The following ARR3 variants were observed in gnomAD, a reference collection of about 807,000 sequenced individuals.
ARR3 encodes arrestin-C.
In ARR3, 14 loss-of-function variants were observed where a neutral mutation model predicts 35.4. That is an observed-to-expected ratio of 0.40 (90% CI 0.26 to 0.62). The LOEUF is 0.62. ARR3 is among the 20% of genes least tolerant of loss of function. The pLI, the probability that ARR3 is intolerant of heterozygous loss-of-function variation, is 0.46. For missense variants in ARR3, 259 were observed against 303.8 expected, an observed-to-expected ratio of 0.85 and a Z score of 1.10; for synonymous variants, 97 against 119.1, an observed-to-expected ratio of 0.81 and a Z score of 1.21.
At position 70,280,223 on chromosome X, in the gene ARR3, C is replaced by T; in HGVS notation, c.934C>T (p.Leu312=). The T allele has an allele frequency of 8.3e-7, 1 of 1,211,354 alleles. No homozygotes were observed. Among genetic ancestry groups the T allele is most frequent in the Non-Finnish European group, 1.1e-6 (1 of 895,278 alleles). Residue 312 remains leucine (L), a synonymous_variant, in exon 13 of 17, where the codon CTG becomes TTG. Transcript: ENST00000307959. Reference sequence around the variant, plus strand: ...TAGACCGGGAATGGACAAAGAGCTGCTGGGGATCCTGGTGTCCTACAAAGT... The same window carrying T: ...TAGACCGGGAATGGACAAAGAGCTGTTGGGGATCCTGGTGTCCTACAAAGT... ...IIRPGMDKEL[L]GILVSYKVRV...
chrX:70,281,076 C>T, intron 15 of ARR3, 23 bp from the exon 16 acceptor site: 1 of 1,209,062 alleles, frequency 8.3e-7, no homozygotes, highest in Non-Finnish European at 1.1e-6. Flanking sequence ...CATTTTTTCC[C>T]TCCGTCTCCA....
chrX:70,280,895 G>A (rs1343065080), intron 15 of ARR3, 77 bp downstream of exon 15: 1 of 1,144,817 alleles, frequency 8.7e-7, no homozygotes, highest in East Asian at 3.0e-5. Context: ...TCATGAATTG[G>A]AGACTAGCAG....
intron 13 of ARR3, 69 bp from the exon 14 acceptor site, chrX:70,280,490 C>A: frequency 9.0e-7 from 1 of 1,111,652 alleles, no homozygotes; most frequent in Non-Finnish European, 1.2e-6. Flanking sequence ...GATCCCTCAT[C>A]CCCTTGTGAA....
chrX:70,277,963 A>G, intron 10 of ARR3, 103 bp from the exon 11 acceptor site: 2 of 887,826 alleles, frequency 2.3e-6, no homozygotes, highest in African/African-American at 3.9e-5. Flanking sequence ...TCACTGCATC[A>G]TGTATAGTGT....
At chrX:70,276,630 C>T in intron 7 of ARR3, 39 bp from the exon 8 acceptor site, 1 of 1,193,471 alleles carries the variant, frequency 8.4e-7, no homozygotes, top group African/African-American at 1.7e-5. Flanking sequence ...GGGAGGACAG[C>T]ACTGGAAATG....
chrX:70,279,287 C>A (rs2085668523), intron 12 of ARR3, among the ~76,000 whole-genome samples: 1 of 112,504 alleles, frequency 8.9e-6, no homozygotes, highest in Non-Finnish European at 1.9e-5. Flanking sequence ...TGTCTTCCAC[C>A]AAAAACCACC....
intron 5 of ARR3, among the ~76,000 whole-genome samples, chrX:70,273,293 C>T (rs1388584356): frequency 1.1e-5 from 1 of 93,756 alleles, no homozygotes; most frequent in Non-Finnish European, 2.0e-5. Context: ...GCGATGTCAG[C>T]TCACAGCAAC....
intron 5 of ARR3, among the ~76,000 whole-genome samples, chrX:70,273,272 A>G (rs1049471407): frequency 2.5e-5 from 2 of 81,169 alleles, no homozygotes; most frequent in African/African-American, 5.1e-5. Flanking sequence ...CCCAGGCTGG[A>G]GTGCAGTGGT....
chrX:70,272,440 A>C (rs12387904), intron 5 of ARR3, among the ~76,000 whole-genome samples: 2,060 of 112,213 alleles, frequency 0.018, 42 homozygotes, highest in African/African-American at 0.063. Flanking sequence ...ATTTTCACTA[A>C]AAATGCTATA....
rs766568000 is a variant in ARR3 at position 70,270,110 on chromosome X, C to T, written c.111C>T (p.Val37=). 8.3e-7 allele frequency: 1 copy of T among 1,211,672 alleles called. No homozygotes were observed. ...VDTVEPIDGV[V]LVDPEYLKCR... ...TCCTTCTCTCCACAGACGGTGTTGT[C>T]CTGGTTGATCCTGAGTACTTAAAAT... Residue 37 remains valine, a synonymous_variant, in exon 5 of 17, where the codon GTC becomes GTT. Coordinates refer to ENST00000307959, the MANE Select transcript of ARR3 (RefSeq NM_004312.3).
In ARR3 at chrX:70,276,757, A is replaced by G. The variant is rs1284656468; in HGVS notation, c.473+21A>G. On this transcript the variant is annotated intron_variant, in intron 8 of 16. Transcript: ENST00000307959. ...AAGAGGTATTCTTTGGTTGTCCCCA[A>G]AAATCCCTGCCTCCAGCCTCTGCCA... The G allele has an allele frequency of 2.5e-6, 3 of 1,188,700 alleles. No individual in the cohort carries two copies. The Admixed American group carries it at 6.5e-5, about 26-fold the overall frequency.
chrX:70,281,103 C>T lies in ARR3; in HGVS notation c.1071C>T (p.Ala357=), dbSNP rs754026664. Reference sequence around the variant, plus strand: ...CCGTCTCCATGCTTGCTACAGAGGCCGCTAGGTAATGGAATACAAGATTGG... The same window carrying T: ...CCGTCTCCATGCTTGCTACAGAGGCTGCTAGGTAATGGAATACAAGATTGG... The part of the protein sequence containing the change: ...VLIHPKPSHE[A]ASSEDIVIEE... The change falls in exon 16 of 17, where the codon GCC becomes GCT. Residue 357 remains alanine, a synonymous_variant. Coordinates refer to ENST00000307959, the MANE Select transcript of ARR3 (RefSeq NM_004312.3). The T allele has an allele frequency of 4.1e-6, 5 of 1,207,173 alleles. No homozygotes were observed. The highest frequency in any genetic ancestry group is 1.8e-5 in the South Asian group (1 of 56,420).
chrX:70,281,092 G>A lies in ARR3; in HGVS notation c.1067-7G>A. ...ATTTTTTCCCTCCGTCTCCATGCTTGCTACAGAGGCCGCTAGGTAATGGAA... is the reference window on the plus strand; with the variant it reads ...ATTTTTTCCCTCCGTCTCCATGCTTACTACAGAGGCCGCTAGGTAATGGAA... On this transcript the variant is annotated splice_polypyrimidine_tract_variant and splice_region_variant and intron_variant, in intron 15 of 16. Coordinates refer to ENST00000307959, the MANE Select transcript of ARR3 (RefSeq NM_004312.3). 1 of 1,209,181 alleles carries A rather than the reference G, an allele frequency of 8.3e-7. No individual in the cohort carries two copies. The highest frequency in any genetic ancestry group is 1.1e-6 in the Non-Finnish European group (1 of 894,816).
chrX:70,269,422 T>A (rs2085620661), intron 2 of ARR3, 29 bp downstream of exon 2: 1 of 1,152,130 alleles, frequency 8.7e-7, no homozygotes, highest in African/African-American at 1.8e-5. Flanking sequence ...CCTCTGAACC[T>A]GTGAATTGCT....
chrX:70,276,842 C>T lies in ARR3; in HGVS notation c.473+106C>T, dbSNP rs2085655463. 1.8e-5 allele frequency: 13 copies of T among 717,845 alleles called. No individual in the cohort carries two copies. In the East Asian group the frequency reaches 2.1e-4, roughly 11 times the overall value. The allele number at this position is 717,845 out of a possible 1,213,427, so 59.2% of individuals were successfully genotyped here. On this transcript the variant is annotated intron_variant, in intron 8 of 16. Transcript: ENST00000307959. ...CCACTTCTAACCTCCACAGCCTCATCGCCACCAGTGACACCCGGTTCTGAG... is the reference window on the plus strand; with the variant it reads ...CCACTTCTAACCTCCACAGCCTCATTGCCACCAGTGACACCCGGTTCTGAG...
At chrX:70,270,021 A>T in intron 4 of ARR3, 79 bp from the exon 5 acceptor site, 1 of 1,175,880 alleles carries the variant, frequency 8.5e-7, no homozygotes, top group Non-Finnish European at 1.2e-6. Context: ...AATAGGAAGA[A>T]CCATTTCAGG....
Position 70,281,088 on chromosome X carries a change from G to A in ARR3, c.1067-11G>A. The stretch of plus-strand genomic sequence containing the variant: ...CTCCATTTTTTCCCTCCGTCTCCAT[G>A]CTTGCTACAGAGGCCGCTAGGTAAT... On this transcript the variant is annotated splice_polypyrimidine_tract_variant and intron_variant, in intron 15 of 16. Transcript: ENST00000307959. 1 of 1,209,198 alleles carries A rather than the reference G, an allele frequency of 8.3e-7. No individual in the cohort carries two copies. Among genetic ancestry groups the A allele is most frequent in the Non-Finnish European group, 1.1e-6 (1 of 894,784 alleles).
At chrX:70,275,064 T>C (rs1404473700) in intron 5 of ARR3, among the ~76,000 whole-genome samples, 1 of 112,631 alleles carries the variant, frequency 8.9e-6, no homozygotes, top group Non-Finnish European at 1.9e-5. Flanking sequence ...CTGACAAACG[T>C]TGATGCGACG....
chrX:70,269,367 C>G lies in ARR3; in HGVS notation c.-19C>G. 1 of 1,207,473 alleles carries G rather than the reference C, an allele frequency of 8.3e-7. No individual in the cohort carries two copies. The highest frequency in any genetic ancestry group is 1.1e-6 in the Non-Finnish European group (1 of 893,025). On this transcript the variant is annotated 5_prime_UTR_variant, in exon 2 of 17. Coordinates refer to ENST00000307959, the MANE Select transcript of ARR3 (RefSeq NM_004312.3). ...TTCCCTTTTCCCAGAAAAGGCTCAA[C>G]ATCAACTATATAGCCAACATGTCCA...
Sources: gnomAD v4.1 joint callset for allele counts (sites outside exome capture counted in the v4.1 genomes callset) on GRCh38, gnomAD v4.1.1 for gene constraint, MANE v1.5 for transcripts, NCBI Gene and HGNC (gene_info 2026-07-23, HGNC 2026-07-21) for gene names.